The following MBD2 variants were observed in gnomAD, a reference collection of about 807,000 sequenced individuals.
MBD2 encodes methyl-CpG binding domain protein 2, also known as methyl-CpG-binding domain protein 2.
A neutral mutation model predicts 39.3 loss-of-function variants in MBD2; 9 were observed. The ratio of observed to expected loss-of-function variants is 0.23; its 90% CI spans 0.14 to 0.40. The LOEUF (loss-of-function observed/expected upper bound fraction) is 0.40. MBD2 is among the 10% of genes least tolerant of loss of function. The pLI is 1.00. For synonymous variants in MBD2, 233 were observed against 211.1 expected (o/e 1.10, Z -0.90); for missense variants, 458 against 532.6 (o/e 0.86, Z 1.38).
chr18:54,219,528 T>C (rs1463537540), intron 1 of MBD2, among the ~76,000 whole-genome samples: 1 of 152,128 alleles, frequency 6.6e-6, no homozygotes. Flanking sequence ...ACATAGGAAT[T>C]ATGAGAAAGA....
At chr18:54,184,310 G>A (rs1285191248) in intron 3 of MBD2, among the ~76,000 whole-genome samples, 6 of 152,034 alleles carry the variant, frequency 3.9e-5, no homozygotes, top group Non-Finnish European at 7.4e-5. Context: ...TTCTCACAGA[G>A]GCGCGAACCC....
At chr18:54,205,436 A>G (rs1384161938) in intron 1 of MBD2, among the ~76,000 whole-genome samples, 1 of 151,802 alleles carries the variant, frequency 6.6e-6, no homozygotes, top group Non-Finnish European at 1.5e-5. Context: ...TAAAAAATAC[A>G]AAAAATTAGC....
At chr18:54,205,409 TA>T (rs201680698) in intron 1 of MBD2, among the ~76,000 whole-genome samples, 1 of 150,954 alleles carries the variant, frequency 6.6e-6, no homozygotes, top group Admixed American at 6.6e-5. Context: ...CCGTCTCTGC[TA>T]AAAAAAATAA....
rs529545179 is a variant in MBD2, at chr18:54,167,923, T to A, written c.841-1757A>T. ...TTTGCTCTCTGGTGGAATAACATCA[T>A]CTGTGTTTTGAATATCACAGCTATA... On this transcript the variant is annotated intron_variant, in intron 3 of 6. Coordinates refer to ENST00000256429, the MANE Select transcript of MBD2 (RefSeq NM_003927.5). 4.7e-5 allele frequency among the ~76,000 whole-genome samples: 7 copies of A among 149,602 alleles called. No homozygotes were observed. The South Asian group carries it at 1.3e-3, about 27-fold the overall frequency.
At chr18:54,193,156 A>G (rs2086335181) in intron 2 of MBD2, among the ~76,000 whole-genome samples, 1 of 152,208 alleles carries the variant, frequency 6.6e-6, no homozygotes, top group Non-Finnish European at 1.5e-5. Context: ...GCCTTGAGTC[A>G]CTATTAATTT....
chr18:54,192,952 C>T (rs1178818688), intron 2 of MBD2, among the ~76,000 whole-genome samples: 1 of 152,202 alleles, frequency 6.6e-6, no homozygotes, highest in Non-Finnish European at 1.5e-5. Context: ...CATTATTCTT[C>T]ACTCAATCTT....
intron 3 of MBD2, among the ~76,000 whole-genome samples, chr18:54,178,058 TCTCAAACTCATGGC>T (rs2086225105): frequency 6.6e-6 from 1 of 151,932 alleles, no homozygotes; most frequent in African/African-American, 2.4e-5. Context: ...GGCAGGCTGC[TCTCAAACTCATGGC>T]CTCAAGCAGT....
chr18:54,187,197 G>A (rs2086292073), intron 3 of MBD2, among the ~76,000 whole-genome samples: 3 of 152,132 alleles, frequency 2.0e-5, no homozygotes, highest in Non-Finnish European at 1.5e-5. Context: ...AGACTACATT[G>A]AGAATGATTT....
At chr18:54,168,558 T>C (rs2086153121) in intron 3 of MBD2, among the ~76,000 whole-genome samples, 1 of 141,574 alleles carries the variant, frequency 7.1e-6, no homozygotes, top group Non-Finnish European at 1.5e-5. Context: ...TGTTATGCCA[T>C]GAAAATGGAG....
chr18:54,202,934 G>A, intron 2 of MBD2: 1 of 1,015,346 alleles, frequency 9.8e-7, no homozygotes, highest in Non-Finnish European at 1.6e-6. Flanking sequence ...GAGTATGCAG[G>A]GCAGGCTTCC....
chr18:54,202,615 C>T (rs557115142), intron 2 of MBD2: 1 of 636,968 alleles, frequency 1.6e-6, no homozygotes, highest in South Asian at 6.3e-5. Flanking sequence ...CAAAAAAAGA[C>T]CATGCCTCCA....
At chr18:54,221,812 T>C (rs561870672) in intron 1 of MBD2, among the ~76,000 whole-genome samples, 1 of 152,184 alleles carries the variant, frequency 6.6e-6, no homozygotes, top group Admixed American at 6.5e-5. Flanking sequence ...TTACACAACA[T>C]CCAAGAAAAT....
At chr18:54,179,073 C>T (rs185998900) in intron 3 of MBD2, among the ~76,000 whole-genome samples, 127 of 152,154 alleles carry the variant, frequency 8.3e-4, no homozygotes, top group Middle Eastern at 3.4e-3. Flanking sequence ...ACCTGTAGTC[C>T]CAGCTACTCT....
intron 3 of MBD2, among the ~76,000 whole-genome samples, chr18:54,184,234 G>A (rs766899136): frequency 2.6e-5 from 4 of 152,040 alleles, no homozygotes; most frequent in East Asian, 1.9e-4. Flanking sequence ...GGAGCTGGGC[G>A]GCACAGCAGG....
chr18:54,185,818 T>A lies in MBD2; in HGVS notation c.840+3056A>T, dbSNP rs553607026. Among the ~76,000 whole-genome samples, 8 of 152,282 alleles carry A rather than the reference T, an allele frequency of 5.3e-5. No individual in the cohort carries two copies. In the East Asian group the frequency reaches 1.5e-3, roughly 29 times the overall value. On this transcript the variant is annotated intron_variant, in intron 3 of 6. Coordinates refer to ENST00000256429, the MANE Select transcript of MBD2 (RefSeq NM_003927.5). ...ATACAAAAATGGCTGGCTACTACCC[T>A]ATTATAACTAGGTTTTACAAATTCC...
At chr18:54,206,109 G>C (rs1228955205) in intron 1 of MBD2, among the ~76,000 whole-genome samples, 1 of 152,106 alleles carries the variant, frequency 6.6e-6, no homozygotes, top group Non-Finnish European at 1.5e-5. Flanking sequence ...GAAAACTAGA[G>C]CAAATATTTG....
chr18:54,187,721 CT>C lies in MBD2; in HGVS notation c.840+1152del, dbSNP rs2086294567. On this transcript the variant is annotated intron_variant, in intron 3 of 6. Coordinates refer to ENST00000256429, the MANE Select transcript of MBD2 (RefSeq NM_003927.5). The stretch of plus-strand genomic sequence containing the variant: ...TGGATGTGATACACTTACATGGCCC[CT>C]GTTGAATCTCTTGGGGACCAACAGT... 1.0e-5 allele frequency: 10 copies of C among 985,770 alleles called. No homozygotes were observed. The South Asian group carries it at 4.7e-4, about 46-fold the overall frequency. 61.1% of individuals were successfully genotyped at this position (985,770 alleles called of 1,614,324 possible).
At chr18:54,203,005 A>AG in intron 2 of MBD2, 3 of 1,084,462 alleles carry the variant, frequency 2.8e-6, no homozygotes, top group Non-Finnish European at 4.3e-6. Context: ...ATGAAGGGGA[A>AG]GGGGGTAAGC....
chr18:54,164,025 A>G (rs534505745), intron 5 of MBD2, among the ~76,000 whole-genome samples: 1 of 152,282 alleles, frequency 6.6e-6, no homozygotes, highest in Non-Finnish European at 1.5e-5. Context: ...CTGGGACTAC[A>G]GTTACATACT....
Sources: allele counts gnomAD v4.1 joint callset (sites outside exome capture counted in the v4.1 genomes callset), GRCh38; gene constraint gnomAD v4.1.1; transcripts MANE v1.5; gene names NCBI Gene and HGNC (gene_info 2026-07-23, HGNC 2026-07-21).